Variants in RBFOX1 observed in about 807,000 individuals in gnomAD.
RBFOX1 encodes the protein RNA binding fox-1 homolog 1, also known as RNA binding protein fox-1 homolog 1.
Under a neutral mutation model 57.7 loss-of-function variants are expected in RBFOX1, and 8 were observed. The observed-to-expected ratio is 0.14, with a 90% confidence interval of 0.08 to 0.25. The LOEUF is 0.25. Among genes scored for constraint, RBFOX1 ranks in the 10% least tolerant of loss-of-function variants. The probability of loss-of-function intolerance (pLI) is 1.00; values close to 1 mark genes in which losing one functional copy is unlikely to be tolerated. For missense variants in RBFOX1, 611 were observed against 548.5 expected (o/e 1.11, Z -1.14); for synonymous variants, 326 against 222.4 (o/e 1.47, Z -4.15).
intron 1 of RBFOX1, among the ~76,000 whole-genome samples, chr16:5,314,474 A>C (rs2064177905): frequency 6.6e-6 from 1 of 152,204 alleles, no homozygotes; most frequent in African/African-American, 2.4e-5. Context: ...ACAGTGACTC[A>C]TGAAAATGCT....
At chr16:6,071,587 C>G (rs1212632573) in intron 1 of RBFOX1, among the ~76,000 whole-genome samples, 2 of 152,136 alleles carry the variant, frequency 1.3e-5, no homozygotes, top group Non-Finnish European at 2.9e-5. Flanking sequence ...GCAAATTAGT[C>G]TAGAGTGAAA....
At chr16:5,719,011 C>G (rs1380530123) in intron 3 of RBFOX1, among the ~76,000 whole-genome samples, 1 of 151,318 alleles carries the variant, frequency 6.6e-6, no homozygotes, top group Non-Finnish European at 1.5e-5. Flanking sequence ...TATAAGATTT[C>G]TGTAAGGATT....
intron 2 of RBFOX1, among the ~76,000 whole-genome samples, chr16:6,387,624 A>G (rs868018465): frequency 6.6e-6 from 1 of 152,216 alleles, no homozygotes; most frequent in South Asian, 2.1e-4. Flanking sequence ...GAAAATGTCT[A>G]GCATTGCTCA....
intron 4 of RBFOX1, among the ~76,000 whole-genome samples, chr16:7,182,001 C>G (rs1054892065): frequency 2.0e-5 from 3 of 152,228 alleles, no homozygotes; most frequent in East Asian, 1.9e-4. Context: ...AAGCATACCA[C>G]TGATTCCACC....
At chr16:5,369,583 AT>A (rs1460933770) in intron 1 of RBFOX1, among the ~76,000 whole-genome samples, 1 of 152,198 alleles carries the variant, frequency 6.6e-6, no homozygotes, top group African/African-American at 2.4e-5. Context: ...CCTCGGCATC[AT>A]GCCCCACACG....
At chr16:6,524,198 C>G (rs563838290) in intron 2 of RBFOX1, among the ~76,000 whole-genome samples, 3 of 152,234 alleles carry the variant, frequency 2.0e-5, no homozygotes, top group African/African-American at 7.2e-5. Context: ...TCCGTGAGTT[C>G]TATCATTTTT....
intron 3 of RBFOX1, among the ~76,000 whole-genome samples, chr16:6,860,469 A>T (rs1188209436): frequency 2.0e-5 from 3 of 152,194 alleles, no homozygotes; most frequent in African/African-American, 7.2e-5. Flanking sequence ...CTGCTGATGG[A>T]AGAGTATATT....
At chr16:6,971,239 G>C (rs1017667760) in intron 3 of RBFOX1, among the ~76,000 whole-genome samples, 1 of 152,172 alleles carries the variant, frequency 6.6e-6, no homozygotes, top group Non-Finnish European at 1.5e-5. Flanking sequence ...CAGCTGAATT[G>C]TTATGGGGAT....
rs2096867027 is a variant in RBFOX1 at position 6,160,080 on chromosome 16, CA to C, written c.-127+140095del. Among the ~76,000 whole-genome samples, 4 of 151,982 alleles carry C rather than the reference CA, an allele frequency of 2.6e-5. No homozygotes were observed. The South Asian group carries it at 8.3e-4, about 32-fold the overall frequency. ...TGCCTTATTGAGGCATTTACTGATA[CA>C]AAAAAATGCCAGGCCAGTCTGACAT... On this transcript the variant is annotated intron_variant, in intron 1 of 15. Transcript: ENST00000550418.
chr16:5,855,648 G>A (rs1166606659), intron 3 of RBFOX1, among the ~76,000 whole-genome samples: 3 of 152,080 alleles, frequency 2.0e-5, no homozygotes, highest in African/African-American at 7.2e-5. Flanking sequence ...TTCGAAATCA[G>A]AACATATGTG....
chr16:6,840,711 A>G (rs2093409827), intron 3 of RBFOX1, among the ~76,000 whole-genome samples: 1 of 151,798 alleles, frequency 6.6e-6, no homozygotes. Context: ...ACATGGTGAA[A>G]CCCCGTCTCT....
chr16:6,487,456 G>C (rs1418747676), intron 2 of RBFOX1, among the ~76,000 whole-genome samples: 2 of 151,488 alleles, frequency 1.3e-5, no homozygotes, highest in African/African-American at 4.9e-5. Context: ...GGATCAGTTG[G>C]ATATTTGTAA....
intron 1 of RBFOX1, among the ~76,000 whole-genome samples, chr16:5,460,956 C>T (rs1421095444): frequency 2.6e-5 from 4 of 152,078 alleles, no homozygotes. Flanking sequence ...GGGATGTGCT[C>T]AGATGTCAAG....
intron 4 of RBFOX1, among the ~76,000 whole-genome samples, chr16:7,454,400 G>T (rs1391560716): frequency 6.6e-6 from 1 of 152,226 alleles, no homozygotes; most frequent in Non-Finnish European, 1.5e-5. Flanking sequence ...ATCAAAGGCA[G>T]ATTGTCTCCC....
At chr16:6,789,936 C>G (rs889790722) in intron 3 of RBFOX1, among the ~76,000 whole-genome samples, 2 of 151,602 alleles carry the variant, frequency 1.3e-5, no homozygotes, top group Middle Eastern at 3.2e-3. Context: ...TAATTATTCT[C>G]TTCCCTAACT....
At chr16:7,036,553 T>C (rs35856371) in intron 3 of RBFOX1, among the ~76,000 whole-genome samples, 13,552 of 151,858 alleles carry the variant, frequency 0.089, 991 homozygotes, top group East Asian at 0.32. Flanking sequence ...ATTAGCTGGA[T>C]ACTGTGGCGG....
intron 4 of RBFOX1, among the ~76,000 whole-genome samples, chr16:7,166,132 G>C (rs913725430): frequency 7.9e-5 from 12 of 152,092 alleles, no homozygotes; most frequent in African/African-American, 2.9e-4. Flanking sequence ...TCCTGCTTCA[G>C]CCTTCCGAGT....
intron 4 of RBFOX1, among the ~76,000 whole-genome samples, chr16:7,171,707 G>A (rs2080739510): frequency 6.6e-6 from 1 of 152,188 alleles, no homozygotes; most frequent in Admixed American, 6.5e-5. Flanking sequence ...CAATGAGCTT[G>A]TGTTTTCTGA....
intron 1 of RBFOX1, among the ~76,000 whole-genome samples, chr16:6,180,015 C>A (rs1163492450): frequency 6.6e-6 from 1 of 152,102 alleles, no homozygotes; most frequent in Non-Finnish European, 1.5e-5. Context: ...AAAGTTTTTT[C>A]CATGTGTGGC....
Sources: gnomAD v4.1 joint callset for allele counts (sites outside exome capture counted in the v4.1 genomes callset) on GRCh38, gnomAD v4.1.1 for gene constraint, MANE v1.5 for transcripts, NCBI Gene and HGNC (gene_info 2026-07-23, HGNC 2026-07-21) for gene names.